The following STK3 variants were observed in gnomAD, a reference collection of about 807,000 sequenced individuals.
STK3 encodes the protein serine/threonine-protein kinase 3.
In STK3, 41 loss-of-function variants were observed where a neutral mutation model predicts 58.0. The ratio of observed to expected loss-of-function variants is 0.71; its 90% CI spans 0.55 to 0.92. The LOEUF is 0.92. Among genes scored for constraint, STK3 ranks in the 40% least tolerant of loss-of-function variants. The pLI is 0.00. For missense variants in STK3, 479 were observed against 602.7 expected (o/e 0.79, Z 2.15); for synonymous variants, 170 against 191.0 (o/e 0.89, Z 0.91).
chr8:98,467,617 G>C (rs1011693658), intron 10 of STK3, among the ~76,000 whole-genome samples: 1 of 151,690 alleles, frequency 6.6e-6, no homozygotes. Context: ...AAAGCAAAAA[G>C]AGTATCTGTG....
intron 3 of STK3, among the ~76,000 whole-genome samples, chr8:98,766,266 T>C (rs1830941233): frequency 6.6e-6 from 1 of 152,208 alleles, no homozygotes; most frequent in Non-Finnish European, 1.5e-5. Context: ...AAAAAGTATC[T>C]TAGTTCTTTT....
chr8:98,720,750 CAAAAAAAA>C (rs35529460), intron 4 of STK3, among the ~76,000 whole-genome samples: 1 of 94,770 alleles, frequency 1.1e-5, no homozygotes, highest in African/African-American at 4.0e-5. Context: ...GACTCCGTCT[CAAAAAAAA>C]AAAAAAAAAA....
chr8:98,369,095 A>C (rs1443260285), downstream of STK3, among the ~76,000 whole-genome samples: 3 of 152,140 alleles, frequency 2.0e-5, no homozygotes, highest in African/African-American at 7.2e-5. Context: ...CCTTCCCCCT[A>C]ATATTCTGTC....
At chr8:98,928,280 G>T (rs1013436002) in intron 1 of STK3, among the ~76,000 whole-genome samples, 3 of 152,156 alleles carry the variant, frequency 2.0e-5, no homozygotes, top group Non-Finnish European at 4.4e-5. Flanking sequence ...AGCAATGCAA[G>T]GCTATCACCT....
chr8:98,822,894 GGC>G (rs1491112665), intron 1 of STK3, among the ~76,000 whole-genome samples: 1 of 152,210 alleles, frequency 6.6e-6, no homozygotes, highest in Non-Finnish European at 1.5e-5. Context: ...TGGGCGTGGT[GGC>G]GCCCGCCTGT....
chr8:98,560,200 T>C (rs1388047335), intron 8 of STK3, among the ~76,000 whole-genome samples: 1 of 151,980 alleles, frequency 6.6e-6, no homozygotes, highest in Non-Finnish European at 1.5e-5. Context: ...CAGAAACATA[T>C]TAAAGTTAAA....
chr8:98,655,617 A>G (rs948113844), intron 6 of STK3, among the ~76,000 whole-genome samples: 23 of 151,612 alleles, frequency 1.5e-4, no homozygotes, highest in Non-Finnish European at 3.1e-4. Flanking sequence ...AGAATCTATA[A>G]TGAACTCAAA....
chr8:98,922,595 C>T (rs1184098983), intron 1 of STK3, among the ~76,000 whole-genome samples: 3 of 152,146 alleles, frequency 2.0e-5, no homozygotes, highest in Non-Finnish European at 2.9e-5. Flanking sequence ...TATTATTAAA[C>T]GAATGAACAA....
chr8:98,537,108 T>C (rs1215965111), intron 9 of STK3, among the ~76,000 whole-genome samples: 1 of 152,216 alleles, frequency 6.6e-6, no homozygotes, highest in African/African-American at 2.4e-5. Flanking sequence ...GAGTCTATTC[T>C]GTCAGATTTT....
rs117353399 is a variant in STK3 at position 98,378,675 on chromosome 8, G to A, written n.111+478C>T. ...TCCTCTCCGCCTTCTCTTCCTCCCCGCTTCCTTATCATCATCATGATTATT... is the reference window on the plus strand; with the variant it reads ...TCCTCTCCGCCTTCTCTTCCTCCCCACTTCCTTATCATCATCATGATTATT... On this transcript the variant is annotated intron_variant and non_coding_transcript_variant, in intron 2 of 2. Coordinates refer to the STK3 transcript ENST00000518704. Among the ~76,000 whole-genome samples, 129 of 152,120 alleles carry A rather than the reference G, an allele frequency of 8.5e-4. 2 individuals carry two copies. In the East Asian group the frequency reaches 0.014, roughly 16 times the overall value.
chr8:98,477,277 C>T (rs1459638803), intron 10 of STK3, among the ~76,000 whole-genome samples: 3 of 152,086 alleles, frequency 2.0e-5, no homozygotes, highest in African/African-American at 7.2e-5. Flanking sequence ...TACAAAGGCT[C>T]CTTGCCATGT....
chr8:98,767,821 G>T (rs1035508944), intron 2 of STK3, among the ~76,000 whole-genome samples: 1 of 152,136 alleles, frequency 6.6e-6, no homozygotes, highest in African/African-American at 2.4e-5. Flanking sequence ...CTCAGCTGGG[G>T]ACCATATTAA....
intron 6 of STK3, among the ~76,000 whole-genome samples, chr8:98,697,262 G>A (rs190594217): frequency 1.3e-4 from 20 of 152,008 alleles, no homozygotes; most frequent in African/African-American, 4.6e-4. Context: ...TTCTTTATTA[G>A]TCTTGCTAGC....
chr8:98,417,711 G>A (rs1818130775), intron 3 of STK3, among the ~76,000 whole-genome samples: 1 of 151,990 alleles, frequency 6.6e-6, no homozygotes, highest in Non-Finnish European at 1.5e-5. Context: ...GTTACTAGAC[G>A]TTAATCCTTA....
chr8:98,429,598 G>A, intron 3 of STK3: 1 of 578,986 alleles, frequency 1.7e-6, no homozygotes, highest in Non-Finnish European at 3.1e-6. Flanking sequence ...TGGTGTGTCT[G>A]ACACCATGCC....
chr8:98,476,837 A>T (rs530526587), intron 10 of STK3, among the ~76,000 whole-genome samples: 4 of 152,314 alleles, frequency 2.6e-5, no homozygotes, highest in African/African-American at 9.6e-5. Context: ...TTCCACTACA[A>T]CCATGCAAGG....
intron 8 of STK3, among the ~76,000 whole-genome samples, chr8:98,576,684 A>G (rs1202975830): frequency 6.6e-6 from 1 of 151,982 alleles, no homozygotes; most frequent in Admixed American, 6.6e-5. Context: ...TCCTTTTTAC[A>G]TTTTTCATTG....
chr8:98,457,471 A>G (rs2131144463), intron 10 of STK3, among the ~76,000 whole-genome samples: 1 of 152,278 alleles, frequency 6.6e-6, no homozygotes, highest in Non-Finnish European at 1.5e-5. Flanking sequence ...CATCATCTCT[A>G]TTTCAGCCCA....
At chr8:98,912,898 C>G (rs1049983307) in intron 1 of STK3, among the ~76,000 whole-genome samples, 2 of 151,918 alleles carry the variant, frequency 1.3e-5, no homozygotes, top group Non-Finnish European at 2.9e-5. Context: ...TTGACAAAGT[C>G]TCACTGGTTG....
Sources: allele counts gnomAD v4.1 joint callset (sites outside exome capture counted in the v4.1 genomes callset), GRCh38; gene constraint gnomAD v4.1.1; transcripts MANE v1.5; gene names NCBI Gene and HGNC (gene_info 2026-07-23, HGNC 2026-07-21).